The following ZCCHC24 variants were observed in gnomAD, a reference collection of about 807,000 sequenced individuals.
ZCCHC24 encodes zinc finger CCHC-type containing 24.
In ZCCHC24, 10 loss-of-function variants were observed where a neutral mutation model predicts 26.2. That is an observed-to-expected ratio of 0.38 (90% CI 0.24 to 0.65). The LOEUF is 0.65. Among genes scored for constraint, ZCCHC24 ranks in the 30% least tolerant of loss-of-function variants. The probability of loss-of-function intolerance (pLI) is 0.54; values close to 1 mark genes in which losing one functional copy is unlikely to be tolerated. For missense variants in ZCCHC24, 243 were observed against 329.1 expected (o/e 0.74, Z 2.03); for synonymous variants, 144 against 147.1 (o/e 0.98, Z 0.15).
At chr10:79,410,217 C>T (rs1404344102) in intron 2 of ZCCHC24, among the ~76,000 whole-genome samples, 1 of 152,250 alleles carries the variant, frequency 6.6e-6, no homozygotes, top group Non-Finnish European at 1.5e-5. Flanking sequence ...TCCCTGACAA[C>T]TGTCTTTGAA....
rs181541665 is a variant in ZCCHC24 at position 79,388,574 on chromosome 10, G to A, written c.613-2116C>T. Among the ~76,000 whole-genome samples the A allele has an allele frequency of 2.2e-3, 335 of 152,274 alleles. 2 individuals carry two copies. The highest frequency in any genetic ancestry group is 7.7e-3 in the African/African-American group (319 of 41,564). ...AAAGGACGGTCTGATCAGTACAGTCGTGAAGTGTCCCCTCCAGCACACCAA... is the reference window on the plus strand; with the variant it reads ...AAAGGACGGTCTGATCAGTACAGTCATGAAGTGTCCCCTCCAGCACACCAA... On this transcript the variant is annotated intron_variant, in intron 3 of 3. Transcript: ENST00000372336.
chr10:79,406,890 G>A (rs1760320108), intron 2 of ZCCHC24, among the ~76,000 whole-genome samples: 2 of 152,204 alleles, frequency 1.3e-5, no homozygotes, highest in Non-Finnish European at 2.9e-5. Flanking sequence ...TGAAAAGGGA[G>A]GAGAAGGAGA....
chr10:79,444,029 C>T lies in ZCCHC24; in HGVS notation c.246+1166G>A, dbSNP rs1857323612. The stretch of plus-strand genomic sequence containing the variant: ...GGCGACCCTCTGCCTCCCTCTCTTA[C>T]CCCCAGCACACCCTTGCGTACATAG... On this transcript the variant is annotated intron_variant, in intron 1 of 3. Transcript: ENST00000372336. 19 of 1,465,852 alleles carry T rather than the reference C, an allele frequency of 1.3e-5. No individual in the cohort carries two copies. In the South Asian group the frequency reaches 1.9e-4, roughly 15 times the overall value. 90.8% of individuals were successfully genotyped at this position (1,465,852 alleles called of 1,614,324 possible).
rs1015335231 is a variant in ZCCHC24 at position 79,384,882 on chromosome 10, G to A, written c.*1463C>T. 3.3e-5 allele frequency: 5 copies of A among 152,312 alleles called. No individual in the cohort carries two copies. The highest frequency in any genetic ancestry group is 1.9e-4 in the East Asian group (1 of 5,228). The allele number at this position is 152,312 out of a possible 1,614,324, so 9.4% of individuals were successfully genotyped here. On this transcript the variant is annotated 3_prime_UTR_variant, in exon 4 of 4. Coordinates refer to ENST00000372336, the MANE Select transcript of ZCCHC24 (RefSeq NM_153367.4). ...ATCAAGAGACCCAGTTCTGACAGCCGGGAGAAAGGAAGGGTCAAGACCATG... is the reference window on the plus strand; with the variant it reads ...ATCAAGAGACCCAGTTCTGACAGCCAGGAGAAAGGAAGGGTCAAGACCATG...
intron 2 of ZCCHC24, among the ~76,000 whole-genome samples, chr10:79,396,669 C>T (rs1856551069): frequency 6.6e-6 from 1 of 152,256 alleles, no homozygotes; most frequent in African/African-American, 2.4e-5. Flanking sequence ...TCTGCAGAAT[C>T]AGAACTGCAT....
At chr10:79,423,786 G>T (rs188568034) in intron 2 of ZCCHC24, among the ~76,000 whole-genome samples, 7 of 150,668 alleles carry the variant, frequency 4.6e-5, no homozygotes, top group Admixed American at 2.0e-4. Context: ...GGGAGGCCAA[G>T]GCAGGCGGAT....
chr10:79,418,622 G>A (rs731094), intron 2 of ZCCHC24, among the ~76,000 whole-genome samples: 20,212 of 152,128 alleles, frequency 0.13, 2,362 homozygotes, highest in African/African-American at 0.32. Context: ...CATAGCACAG[G>A]TGGAGTGGGG....
At chr10:79,418,714 AAG>A (rs1269469716) in intron 2 of ZCCHC24, among the ~76,000 whole-genome samples, 1 of 152,166 alleles carries the variant, frequency 6.6e-6, no homozygotes, top group African/African-American at 2.4e-5. Flanking sequence ...AGCCCACCCA[AAG>A]AGGGGCATTC....
intron 2 of ZCCHC24, among the ~76,000 whole-genome samples, chr10:79,416,066 C>A (rs1856856083): frequency 6.6e-6 from 1 of 152,184 alleles, no homozygotes; most frequent in Non-Finnish European, 1.5e-5. Context: ...TGCTGCCGGT[C>A]CACTGACCAC....
At chr10:79,389,340 T>G (rs1856439855) in intron 3 of ZCCHC24, among the ~76,000 whole-genome samples, 1 of 152,228 alleles carries the variant, frequency 6.6e-6, no homozygotes, top group Admixed American at 6.5e-5. Flanking sequence ...TGGAAAACTC[T>G]GTGTCTGGTG....
chr10:79,412,890 A>G (rs969442934), intron 2 of ZCCHC24, among the ~76,000 whole-genome samples: 1 of 152,206 alleles, frequency 6.6e-6, no homozygotes, highest in African/African-American at 2.4e-5. Context: ...ATGAGTACCA[A>G]GCACATGGCT....
intron 2 of ZCCHC24, among the ~76,000 whole-genome samples, chr10:79,403,885 T>G: frequency 1.4e-5 from 2 of 144,840 alleles, no homozygotes; most frequent in Non-Finnish European, 1.5e-5. Flanking sequence ...GGGCATGGAG[T>G]GGGGGTGTGG....
chr10:79,386,564 A>C, intron 3 of ZCCHC24, 106 bp from the exon 4 acceptor site: 1 of 838,774 alleles, frequency 1.2e-6, no homozygotes, highest in South Asian at 1.7e-5. Context: ...TGAGACAGGT[A>C]CACAGGGAGG....
At position 79,386,314 on chromosome 10, in the gene ZCCHC24, G is replaced by C. The variant is rs760457028; in HGVS notation, c.*31C>G. 1.9e-6 allele frequency: 3 copies of C among 1,599,246 alleles called. No homozygotes were observed. The highest frequency in any genetic ancestry group is 2.6e-6 in the Non-Finnish European group (3 of 1,170,426). ...AAGCAGCGTCTCCTCGGGCTGGCGGGGGGTGGCTCTGGGTGCGGGCGGGCA... is the reference window on the plus strand; with the variant it reads ...AAGCAGCGTCTCCTCGGGCTGGCGGCGGGTGGCTCTGGGTGCGGGCGGGCA... On this transcript the variant is annotated 3_prime_UTR_variant, in exon 4 of 4. Transcript: ENST00000372336.
chr10:79,407,911 T>C (rs1455216557), intron 2 of ZCCHC24, among the ~76,000 whole-genome samples: 2 of 152,114 alleles, frequency 1.3e-5, no homozygotes, highest in Non-Finnish European at 2.9e-5. Context: ...GGCGGGGTAC[T>C]GGGGAGGGCT....
At chr10:79,387,787 G>A (rs1856420230) in intron 3 of ZCCHC24, among the ~76,000 whole-genome samples, 1 of 152,252 alleles carries the variant, frequency 6.6e-6, no homozygotes, top group South Asian at 2.1e-4. Flanking sequence ...GACACTCAGA[G>A]CGGTCTGGGA....
chr10:79,390,875 T>G (rs1461228960), intron 3 of ZCCHC24, among the ~76,000 whole-genome samples: 1 of 152,114 alleles, frequency 6.6e-6, no homozygotes, highest in Non-Finnish European at 1.5e-5. Context: ...GTCAGGGCTC[T>G]GTGGGGCAGG....
intron 2 of ZCCHC24, among the ~76,000 whole-genome samples, chr10:79,429,470 A>G (rs781773279): frequency 3.9e-5 from 6 of 152,054 alleles, no homozygotes; most frequent in Non-Finnish European, 5.9e-5. Context: ...ATTCCCAGCT[A>G]CTCGGGAGGC....
intron 1 of ZCCHC24, among the ~76,000 whole-genome samples, chr10:79,441,647 C>T (rs184992964): frequency 6.6e-6 from 1 of 152,070 alleles, no homozygotes; most frequent in Non-Finnish European, 1.5e-5. Flanking sequence ...GTTCTCAGGG[C>T]CTTTCCTGTG....
Sources: allele counts gnomAD v4.1 joint callset (sites outside exome capture counted in the v4.1 genomes callset), GRCh38; gene constraint gnomAD v4.1.1; transcripts MANE v1.5; gene names NCBI Gene and HGNC (gene_info 2026-07-23, HGNC 2026-07-21).